The following SHQ1 variants were observed in gnomAD, a reference collection of about 807,000 sequenced individuals.
SHQ1 encodes protein SHQ1 homolog.
In SHQ1, 49 loss-of-function variants were observed where a neutral mutation model predicts 53.8. The ratio of observed to expected loss-of-function variants is 0.91; its 90% CI spans 0.72 to 1.16. The LOEUF (loss-of-function observed/expected upper bound fraction) is 1.16, where lower values mean the gene tolerates loss of function less well. Ranked by LOEUF, SHQ1 falls within the 50% of genes most tolerant of loss-of-function variation. SHQ1 has a pLI of 0.00. For synonymous variants in SHQ1, 243 were observed against 251.0 expected (o/e 0.97, Z 0.30); for missense variants, 738 against 683.1 (o/e 1.08, Z -0.90).
chr3:72,764,450 T>C (rs970222841), intron 10 of SHQ1, among the ~76,000 whole-genome samples: 1 of 152,146 alleles, frequency 6.6e-6, no homozygotes, highest in African/African-American at 2.4e-5. Flanking sequence ...AAATCAAACT[T>C]GGGAAAGTGT....
At chr3:72,778,189 A>C (rs1164566211) in intron 10 of SHQ1, among the ~76,000 whole-genome samples, 1 of 152,178 alleles carries the variant, frequency 6.6e-6, no homozygotes, top group African/African-American at 2.4e-5. Context: ...GGTGGCTCAC[A>C]CCTATAATCG....
chr3:72,823,352 A>G (rs550523774), intron 6 of SHQ1, among the ~76,000 whole-genome samples: 1 of 152,300 alleles, frequency 6.6e-6, no homozygotes, highest in Admixed American at 6.5e-5. Context: ...ACTATACTAG[A>G]CACTGAAAAA....
chr3:72,741,799 TA>T, the SHQ1 span, among the ~76,000 whole-genome samples: 2 of 151,996 alleles, frequency 1.3e-5, no homozygotes, highest in Non-Finnish European at 2.9e-5. Context: ...AGACTGAAAA[TA>T]TTCAGATAAA....
Position 72,773,890 on chromosome 3 carries a change from A to G in SHQ1, c.1181+19026T>C, listed in dbSNP as rs150923624. ...TACTGATTCATCACAGCTTTACATCATATGTTCAGAGCATATTTCTCACAC... is the reference window on the plus strand; with the variant it reads ...TACTGATTCATCACAGCTTTACATCGTATGTTCAGAGCATATTTCTCACAC... On this transcript the variant is annotated intron_variant, in intron 10 of 10. Coordinates refer to ENST00000325599, the MANE Select transcript of SHQ1 (RefSeq NM_018130.3). Among the ~76,000 whole-genome samples the G allele has an allele frequency of 5.3e-5, 8 of 152,334 alleles. No homozygotes were observed. In the East Asian group the frequency reaches 1.3e-3, roughly 26 times the overall value.
chr3:72,787,796 A>G (rs948810717), intron 10 of SHQ1, among the ~76,000 whole-genome samples: 2 of 148,382 alleles, frequency 1.3e-5, no homozygotes, highest in Non-Finnish European at 3.0e-5. Context: ...CGCCATCTCG[A>G]CTCACTGCAA....
intron 10 of SHQ1, among the ~76,000 whole-genome samples, chr3:72,786,486 C>G (rs143201870): frequency 1.3e-5 from 2 of 152,264 alleles, no homozygotes; most frequent in African/African-American, 4.8e-5. Flanking sequence ...TCAGGCTGTT[C>G]AAATGGGCCA....
intron 10 of SHQ1, among the ~76,000 whole-genome samples, chr3:72,778,439 T>C (rs1008403882): frequency 6.6e-6 from 1 of 150,794 alleles, no homozygotes; most frequent in African/African-American, 2.5e-5. Context: ...ACAGAAACCC[T>C]GTCTCTTTAA....
intron 4 of SHQ1, among the ~76,000 whole-genome samples, chr3:72,833,906 TTAAAGAA>T (rs1211060216): frequency 4.6e-5 from 7 of 152,198 alleles, no homozygotes; most frequent in Admixed American, 3.9e-4. Context: ...TGGAAGAAGC[TTAAAGAA>T]TATTAGCTGA....
chr3:72,769,681 C>T (rs1038112311), intron 10 of SHQ1, among the ~76,000 whole-genome samples: 1 of 152,178 alleles, frequency 6.6e-6, no homozygotes, highest in African/African-American at 2.4e-5. Context: ...TCTCTTGCAA[C>T]GGGGCCAGGG....
At chr3:72,746,185 C>CG (rs1705256967), downstream of SHQ1, among the ~76,000 whole-genome samples, 1 of 152,144 alleles carries the variant, frequency 6.6e-6, no homozygotes, top group Non-Finnish European at 1.5e-5. Context: ...GGAGTCCCCC[C>CG]CTCGTGAGCC....
the SHQ1 span, among the ~76,000 whole-genome samples, chr3:72,737,842 T>C: frequency 6.6e-6 from 1 of 152,366 alleles, no homozygotes; most frequent in African/African-American, 2.4e-5. Context: ...GCCAGCTGTA[T>C]TGGCTGTGCC....
Position 72,836,305 on chromosome 3 carries a change from C to T in SHQ1, c.487-3824G>A, listed in dbSNP as rs539219826. On this transcript the variant is annotated intron_variant, in intron 4 of 10. Transcript: ENST00000325599. ...GAGATAGAGATCATCCTGGCTAACA[C>T]GGTGAAACCCCGTCTCTACTAAAAA... Among the ~76,000 whole-genome samples, 9 of 152,226 alleles carry T rather than the reference C, an allele frequency of 5.9e-5. No individual in the cohort carries two copies. In the East Asian group the frequency reaches 1.2e-3, roughly 20 times the overall value.
chr3:72,826,439 A>G (rs1195880295), intron 5 of SHQ1, among the ~76,000 whole-genome samples: 1 of 152,240 alleles, frequency 6.6e-6, no homozygotes, highest in Non-Finnish European at 1.5e-5. Flanking sequence ...AATGGCTAAA[A>G]TGCTAAATAA....
intron 5 of SHQ1, among the ~76,000 whole-genome samples, chr3:72,831,982 A>G (rs191528810): frequency 2.6e-5 from 4 of 152,372 alleles, no homozygotes; most frequent in African/African-American, 9.6e-5. Context: ...GAAATGTGGT[A>G]CAGGTACATT....
intron 9 of SHQ1, among the ~76,000 whole-genome samples, chr3:72,807,294 T>A (rs1234974631): frequency 6.6e-6 from 1 of 152,240 alleles, no homozygotes; most frequent in East Asian, 1.9e-4. Context: ...TCAAAAACCC[T>A]GGTAGTTGTG....
intron 4 of SHQ1, among the ~76,000 whole-genome samples, chr3:72,836,741 C>A (rs1002348141): frequency 7.2e-5 from 11 of 152,032 alleles, no homozygotes; most frequent in African/African-American, 2.4e-4. Context: ...ATTAATCAAC[C>A]AAAGGGAAGA....
At chr3:72,816,922 T>G (rs62249860) in intron 7 of SHQ1, among the ~76,000 whole-genome samples, 33,247 of 152,130 alleles carry the variant, frequency 0.22, 3,856 homozygotes, top group Non-Finnish European at 0.24. Flanking sequence ...AGAGCACTTC[T>G]CTGGCCTAAA....
rs1318623506 is a variant in SHQ1, at chr3:72,812,732, G to C, written c.999C>G (p.Leu333=). 2 of 1,614,046 alleles carry C rather than the reference G, an allele frequency of 1.2e-6. No homozygotes were observed. Among genetic ancestry groups the C allele is most frequent in the African/African-American group, 1.3e-5 (1 of 75,038 alleles). ...TCATCACCAGCTTGAAATGGCGATA[G>C]AGTGGGTAACACAACACCCTTCTTC... is the stretch of plus-strand genomic sequence containing the variant. ...SFGRRVLCYP[L]YRHFKLVMKA... The change falls in exon 9 of 11, where the codon CTC becomes CTG. Residue 333 remains leucine (L), a synonymous_variant. Transcript: ENST00000325599.
intron 10 of SHQ1, among the ~76,000 whole-genome samples, chr3:72,770,969 A>G (rs1330644480): frequency 6.6e-6 from 1 of 152,188 alleles, no homozygotes; most frequent in Non-Finnish European, 1.5e-5. Context: ...AACATATAAC[A>G]ATCTCCTGTA....
Sources: gnomAD v4.1 joint callset for allele counts (sites outside exome capture counted in the v4.1 genomes callset) on GRCh38, gnomAD v4.1.1 for gene constraint, MANE v1.5 for transcripts, NCBI Gene and HGNC (gene_info 2026-07-23, HGNC 2026-07-21) for gene names.